The following ACTR2 variants were observed in gnomAD, a reference collection of about 807,000 sequenced individuals.
The protein encoded by ACTR2 is actin-related protein 2.
ACTR2 carries 5 observed loss-of-function variants against 50.2 expected under a neutral mutation model. That is an observed-to-expected ratio of 0.10 (90% CI 0.05 to 0.21). The LOEUF (loss-of-function observed/expected upper bound fraction) is 0.21. Among genes scored for constraint, ACTR2 ranks in the 10% least tolerant of loss-of-function variants. The pLI is 1.00. For missense variants in ACTR2, 180 were observed against 480.6 expected, an observed-to-expected ratio of 0.37 and a Z score of 5.85; for synonymous variants, 140 against 162.9, an observed-to-expected ratio of 0.86 and a Z score of 1.07.
At chr2:65,242,399 T>A (rs999662741) in intron 2 of ACTR2, among the ~76,000 whole-genome samples, 1 of 152,164 alleles carries the variant, frequency 6.6e-6, no homozygotes. Context: ...AGGATATGTG[T>A]GATCCAAAAA....
intron 2 of ACTR2, among the ~76,000 whole-genome samples, chr2:65,243,370 C>T (rs960337842): frequency 6.6e-6 from 1 of 152,082 alleles, no homozygotes; most frequent in Non-Finnish European, 1.5e-5. Flanking sequence ...TGTTTCATGC[C>T]TATAATTCCA....
rs1193737612 is a variant in ACTR2 at position 65,269,690 on chromosome 2, T to G, written c.*956T>G. Reference sequence around the variant, plus strand: ...GGTAACCCATTGCCAAGTATCATTCTTGCAAATTATTCTTTTATATAACTG... The same window carrying G: ...GGTAACCCATTGCCAAGTATCATTCGTGCAAATTATTCTTTTATATAACTG... On this transcript the variant is annotated 3_prime_UTR_variant, in exon 9 of 9. Transcript: ENST00000260641. The G allele has an allele frequency of 1.3e-5, 2 of 152,228 alleles. No individual in the cohort carries two copies. Among genetic ancestry groups the G allele is most frequent in the African/African-American group, 4.8e-5 (2 of 41,468 alleles). The allele number at this position is 152,228 out of a possible 1,614,324, so 9.4% of individuals were successfully genotyped here. A position where few individuals can be genotyped will look rare whatever the true frequency, so the allele number is the denominator to read the frequency against.
chr2:65,249,330 A>G (rs1672001095), intron 3 of ACTR2, among the ~76,000 whole-genome samples: 1 of 152,238 alleles, frequency 6.6e-6, no homozygotes, highest in Non-Finnish European at 1.5e-5. Context: ...TGAAAATCTA[A>G]GATCATGGTT....
intron 2 of ACTR2, among the ~76,000 whole-genome samples, chr2:65,244,379 A>G (rs1671896479): frequency 6.6e-6 from 1 of 152,080 alleles, no homozygotes; most frequent in Admixed American, 6.6e-5. Context: ...TTCCCCCCTA[A>G]CATTTTATTA....
chr2:65,263,003 CATATAT>C (rs943601300), intron 7 of ACTR2, among the ~76,000 whole-genome samples: 1 of 142,944 alleles, frequency 7.0e-6, no homozygotes, highest in African/African-American at 2.6e-5. Flanking sequence ...AAAAAAAAAA[CATATAT>C]ATATATATAA....
intron 6 of ACTR2, among the ~76,000 whole-genome samples, chr2:65,260,457 G>T (rs1295134495): frequency 6.6e-6 from 1 of 152,220 alleles, no homozygotes; most frequent in Non-Finnish European, 1.5e-5. Flanking sequence ...AGTGAGCCGA[G>T]ATCGTGCCAT....
intron 1 of ACTR2, among the ~76,000 whole-genome samples, chr2:65,236,051 CTG>C (rs1671732914): frequency 6.6e-6 from 1 of 152,142 alleles, no homozygotes; most frequent in Non-Finnish European, 1.5e-5. Flanking sequence ...TGAAAAAACT[CTG>C]TTTTTAAAAG....
chr2:65,253,646 G>A, intron 4 of ACTR2, 82 bp from the exon 5 acceptor site: 1 of 1,416,402 alleles, frequency 7.1e-7, no homozygotes, highest in Non-Finnish European at 9.7e-7. Context: ...TTCTGTTTTG[G>A]CTTCCCTACT....
At chr2:65,249,268 TGTTA>T (rs1159572693) in intron 3 of ACTR2, among the ~76,000 whole-genome samples, 1 of 152,228 alleles carries the variant, frequency 6.6e-6, no homozygotes, top group Non-Finnish European at 1.5e-5. Flanking sequence ...AAGAAAATGT[TGTTA>T]GTATTTTTAA....
At chr2:65,235,947 A>G (rs1671731640) in intron 1 of ACTR2, among the ~76,000 whole-genome samples, 1 of 152,222 alleles carries the variant, frequency 6.6e-6, no homozygotes, top group Non-Finnish European at 1.5e-5. Context: ...GTGAAAGGAT[A>G]GGAATTGAGG....
rs888346421 is a variant in ACTR2, at chr2:65,262,920, T to C, written c.881+1528T>C. Among the ~76,000 whole-genome samples the C allele has an allele frequency of 3.3e-5, 5 of 151,760 alleles. No homozygotes were observed. The South Asian group carries it at 1.0e-3, about 31-fold the overall frequency. On this transcript the variant is annotated intron_variant, in intron 7 of 8. Transcript: ENST00000260641. Reference sequence around the variant, plus strand: ...GGTAGAGGCTGCAGTGAGCCATGATTGTGTCACTGCACTCCAGCCTGGGTG... The same window carrying C: ...GGTAGAGGCTGCAGTGAGCCATGATCGTGTCACTGCACTCCAGCCTGGGTG...
intron 6 of ACTR2, among the ~76,000 whole-genome samples, chr2:65,260,729 C>CTTT (rs34258160): frequency 6.1e-5 from 8 of 132,146 alleles, no homozygotes; most frequent in Non-Finnish European, 1.1e-4. Flanking sequence ...CGTGGCATAC[C>CTTT]TTTTTTTTTT....
chr2:65,251,017 G>A lies in ACTR2; in HGVS notation c.376-10G>A. ...AATACCAGTTTTTTTCTTTCTGTCTGCATTTACAGGTAATGTTTGAAACTT... is the reference window on the plus strand; with the variant it reads ...AATACCAGTTTTTTTCTTTCTGTCTACATTTACAGGTAATGTTTGAAACTT... On this transcript the variant is annotated splice_polypyrimidine_tract_variant and intron_variant, in intron 3 of 8. Coordinates refer to ENST00000260641, the MANE Select transcript of ACTR2 (RefSeq NM_005722.4). 6.3e-7 allele frequency: 1 copy of A among 1,582,514 alleles called. No homozygotes were observed. The highest frequency in any genetic ancestry group is 8.6e-7 in the Non-Finnish European group (1 of 1,165,234).
chr2:65,255,694 A>G lies in ACTR2; in HGVS notation c.735A>G (p.Thr245=), dbSNP rs752640122. Residue 245 remains threonine (T), a splice_region_variant and synonymous_variant, in exon 6 of 9, where the codon ACA becomes ACG. Coordinates refer to ENST00000260641, the MANE Select transcript of ACTR2 (RefSeq NM_005722.4). ...LETTVLVESY[T]LPDGRIIKVG... ...CCACAGTATTAGTTGAATCTTATAC[A>G]GTAAGTGTTTCCAGTGTATAATATA... The G allele has an allele frequency of 2.5e-6, 4 of 1,612,224 alleles. No individual in the cohort carries two copies. The Admixed American group carries it at 6.7e-5, about 27-fold the overall frequency.
intron 5 of ACTR2, among the ~76,000 whole-genome samples, chr2:65,254,949 T>A (rs1672119883): frequency 6.6e-6 from 1 of 152,162 alleles, no homozygotes; most frequent in Non-Finnish European, 1.5e-5. Context: ...ATTTTTTTTT[T>A]ATTTGTAAAG....
At chr2:65,253,559 C>T (rs1252346205) in intron 4 of ACTR2, among the ~76,000 whole-genome samples, 169 bp from the exon 5 acceptor site, 3 of 152,078 alleles carry the variant, frequency 2.0e-5, no homozygotes, top group Non-Finnish European at 4.4e-5. Context: ...AAAGAGAACA[C>T]TCGCTTTAAT....
chr2:65,251,402 C>G (rs561743762), intron 4 of ACTR2, among the ~76,000 whole-genome samples: 4 of 152,048 alleles, frequency 2.6e-5, no homozygotes, highest in South Asian at 4.1e-4. Context: ...GCTTTTGTTG[C>G]CCAGGCCGGA....
At chr2:65,260,108 A>AT (rs1270379890) in intron 6 of ACTR2, among the ~76,000 whole-genome samples, 1 of 152,262 alleles carries the variant, frequency 6.6e-6, no homozygotes, top group Non-Finnish European at 1.5e-5. Flanking sequence ...ATCATAAGAC[A>AT]TTTTTTGGAT....
chr2:65,250,371 GA>G (rs997970127), intron 3 of ACTR2, among the ~76,000 whole-genome samples: 1,420 of 132,396 alleles, frequency 0.011, 20 homozygotes, highest in African/African-American at 0.038. Context: ...CTCAAAAAAA[GA>G]AAAAAAAAAG....
Sources: allele counts gnomAD v4.1 joint callset (sites outside exome capture counted in the v4.1 genomes callset), GRCh38; gene constraint gnomAD v4.1.1; transcripts MANE v1.5; gene names NCBI Gene and HGNC (gene_info 2026-07-23, HGNC 2026-07-21).